The following GPR158 variants were observed in gnomAD, a reference collection of about 807,000 sequenced individuals.
The protein encoded by GPR158 is G protein-coupled receptor 158.
Under a neutral mutation model 78.2 loss-of-function variants are expected in GPR158, and 30 were observed. The observed-to-expected ratio is 0.38, with a 90% CI of 0.29 to 0.52. The LOEUF (loss-of-function observed/expected upper bound fraction) is 0.52, where lower values mean the gene tolerates loss of function less well. Among genes scored for constraint, GPR158 ranks in the 20% least tolerant of loss-of-function variants. GPR158 has a pLI of 0.83. For missense variants in GPR158, 1,463 were observed against 1,523.5 expected, an observed-to-expected ratio of 0.96 and a Z score of 0.66; for synonymous variants, 581 against 591.1, an observed-to-expected ratio of 0.98 and a Z score of 0.25.
chr10:25,353,723 C>T (rs569000791), intron 2 of GPR158, among the ~76,000 whole-genome samples: 1 of 152,002 alleles, frequency 6.6e-6, no homozygotes, highest in Admixed American at 6.6e-5. Context: ...CTTTTTCTAC[C>T]CCTTTACTTT....
At chr10:25,556,600 CG>C (rs1250715514) in intron 6 of GPR158, among the ~76,000 whole-genome samples, 2 of 152,122 alleles carry the variant, frequency 1.3e-5, no homozygotes, top group African/African-American at 4.8e-5. Flanking sequence ...TTAAGAACCA[CG>C]GGATTCACCA....
intron 2 of GPR158, among the ~76,000 whole-genome samples, chr10:25,241,316 C>CTTCTCTTCTCTT (rs1564399652): frequency 2.0e-5 from 1 of 50,676 alleles, no homozygotes; most frequent in African/African-American, 7.7e-5. Context: ...TTTCTTTTCT[C>CTTCTCTTCTCTT]TTCTCTTCTC....
At chr10:25,459,227 A>G (rs1388581493) in intron 4 of GPR158, among the ~76,000 whole-genome samples, 1 of 152,050 alleles carries the variant, frequency 6.6e-6, no homozygotes, top group Non-Finnish European at 1.5e-5. Flanking sequence ...TTTCTCATTG[A>G]AATAGCATAA....
intron 2 of GPR158, among the ~76,000 whole-genome samples, chr10:25,265,001 T>G (rs1744851920): frequency 6.6e-6 from 1 of 152,238 alleles, no homozygotes; most frequent in Non-Finnish European, 1.5e-5. Flanking sequence ...TCTCATTGTA[T>G]CTCATTAAAA....
chr10:25,241,284 C>CCTTTCTTTTCTTTTCT lies in GPR158; in HGVS notation c.1008+20127_1008+20128insCTTTCTTTTCTTTTCT, dbSNP rs1195195853. Among the ~76,000 whole-genome samples, 3 of 109,008 alleles carry CCTTTCTTTTCTTTTCT rather than the reference C, an allele frequency of 2.8e-5. No individual in the cohort carries two copies. In the East Asian group the frequency reaches 7.9e-4, roughly 29 times the overall value. The allele number at this position is 109,008 out of a possible 152,430, so 71.5% of individuals were successfully genotyped here. Reference sequence around the variant, plus strand: ...CTTTCTTTCTTTCCTTTCTTTCTTTCTTTTCTTTTCTTTTCTTTTCTTTTC... The same window carrying CCTTTCTTTTCTTTTCT: ...CTTTCTTTCTTTCCTTTCTTTCTTTCCTTTCTTTTCTTTTCTTTTTCTTTTCTTTTCTTTTCTTTTC... On this transcript the variant is annotated intron_variant, in intron 2 of 10. Coordinates refer to ENST00000376351, the MANE Select transcript of GPR158 (RefSeq NM_020752.3).
intron 1 of GPR158, among the ~76,000 whole-genome samples, chr10:25,220,620 A>T (rs540228097): frequency 8.5e-5 from 13 of 152,284 alleles, no homozygotes; most frequent in African/African-American, 3.1e-4. Flanking sequence ...TGTCCTCCCT[A>T]CTCAATCTTC....
At chr10:25,296,684 T>C (rs934797333) in intron 2 of GPR158, among the ~76,000 whole-genome samples, 1 of 151,864 alleles carries the variant, frequency 6.6e-6, no homozygotes, top group African/African-American at 2.4e-5. Context: ...GATGTGATTC[T>C]AAGTGCTTTA....
chr10:25,264,034 A>C (rs558760177), intron 2 of GPR158, among the ~76,000 whole-genome samples: 47 of 152,322 alleles, frequency 3.1e-4, no homozygotes, highest in Middle Eastern at 3.4e-3. Context: ...TGTCTTCAAG[A>C]AAATCATTCC....
chr10:25,563,339 T>C (rs555598553), intron 6 of GPR158, among the ~76,000 whole-genome samples: 17 of 152,114 alleles, frequency 1.1e-4, no homozygotes, highest in Non-Finnish European at 2.2e-4. Flanking sequence ...ATTATTTCAT[T>C]AGATCTACGG....
chr10:25,491,173 T>C (rs1333517959), intron 5 of GPR158, among the ~76,000 whole-genome samples: 1 of 152,204 alleles, frequency 6.6e-6, no homozygotes, highest in Non-Finnish European at 1.5e-5. Context: ...AGCTTTTCTA[T>C]AGATCTTTGT....
intron 4 of GPR158, among the ~76,000 whole-genome samples, chr10:25,435,557 G>A (rs1834987612): frequency 6.6e-6 from 1 of 152,206 alleles, no homozygotes; most frequent in Non-Finnish European, 1.5e-5. Flanking sequence ...ATGGACAACA[G>A]TGGCAGAGTG....
chr10:25,378,099 AT>A (rs1301246761), intron 2 of GPR158, among the ~76,000 whole-genome samples: 5 of 152,020 alleles, frequency 3.3e-5, no homozygotes, highest in Non-Finnish European at 1.5e-5. Flanking sequence ...GTTCCTGGTT[AT>A]TTTTTTAAAA....
At chr10:25,238,194 G>T (rs1419793927) in intron 2 of GPR158, among the ~76,000 whole-genome samples, 1 of 152,156 alleles carries the variant, frequency 6.6e-6, no homozygotes, top group Non-Finnish European at 1.5e-5. Context: ...CACTTCACAG[G>T]CAGGCTTTCC....
intron 5 of GPR158, among the ~76,000 whole-genome samples, chr10:25,509,018 A>T (rs1288952085): frequency 6.6e-6 from 1 of 152,190 alleles, no homozygotes; most frequent in African/African-American, 2.4e-5. Context: ...GCCTCGTTCA[A>T]GGATTCTTAG....
chr10:25,300,795 C>T (rs1228503750), intron 2 of GPR158, among the ~76,000 whole-genome samples: 1 of 151,800 alleles, frequency 6.6e-6, no homozygotes, highest in Non-Finnish European at 1.5e-5. Context: ...CCCTGTGATG[C>T]AAAGAAATAG....
chr10:25,385,966 TGTA>T (rs1319665117), intron 2 of GPR158, among the ~76,000 whole-genome samples: 2 of 152,168 alleles, frequency 1.3e-5, no homozygotes, highest in African/African-American at 4.8e-5. Flanking sequence ...TTAAATTTGA[TGTA>T]GTCCCATTTG....
chr10:25,560,250 A>C (rs1263432909), intron 6 of GPR158, among the ~76,000 whole-genome samples: 4 of 152,122 alleles, frequency 2.6e-5, no homozygotes, highest in Non-Finnish European at 4.4e-5. Flanking sequence ...ATTTTTTAAA[A>C]TATTTTTATT....
intron 2 of GPR158, among the ~76,000 whole-genome samples, chr10:25,253,352 T>G (rs1853842064): frequency 6.6e-6 from 1 of 150,856 alleles, no homozygotes. Context: ...AATTTATTCT[T>G]TAGAATAATG....
At chr10:25,411,498 CAAG>C (rs978734125) in intron 3 of GPR158, among the ~76,000 whole-genome samples, 2 of 152,092 alleles carry the variant, frequency 1.3e-5, no homozygotes, top group Non-Finnish European at 2.9e-5. Context: ...CTATCTAGGT[CAAG>C]AAGTTCCCAA....
Sources: gnomAD v4.1 joint callset for allele counts (sites outside exome capture counted in the v4.1 genomes callset) on GRCh38, gnomAD v4.1.1 for gene constraint, MANE v1.5 for transcripts, NCBI Gene and HGNC (gene_info 2026-07-23, HGNC 2026-07-21) for gene names.